Variants in IMMP2L observed in about 807,000 individuals in gnomAD.
The protein encoded by IMMP2L is inner mitochondrial membrane peptidase subunit 2.
Under a neutral mutation model 19.3 loss-of-function variants are expected in IMMP2L, and 18 were observed. The observed-to-expected ratio is 0.93, with a 90% CI of 0.64 to 1.38. The LOEUF is 1.38. Ranked by LOEUF, IMMP2L falls within the 40% of genes most tolerant of loss-of-function variation. The pLI, the probability that IMMP2L is intolerant of heterozygous loss-of-function variation, is 0.00. For missense variants in IMMP2L, 233 were observed against 218.2 expected (o/e 1.07, Z -0.43); for synonymous variants, 76 against 73.0 (o/e 1.04, Z -0.21).
intron 4 of IMMP2L, among the ~76,000 whole-genome samples, chr7:110,909,310 G>A (rs1186558686): frequency 2.6e-5 from 4 of 152,130 alleles, no homozygotes; most frequent in African/African-American, 7.2e-5. Flanking sequence ...TAAATAAATA[G>A]TTTAGTCAAG....
chr7:111,194,783 CT>C (rs1201406856), intron 3 of IMMP2L, among the ~76,000 whole-genome samples: 1 of 152,102 alleles, frequency 6.6e-6, no homozygotes, highest in African/African-American at 2.4e-5. Context: ...GGCATTATAT[CT>C]AACCTTATAT....
intron 5 of IMMP2L, among the ~76,000 whole-genome samples, chr7:110,718,527 T>C (rs1464068830): frequency 2.0e-5 from 3 of 152,162 alleles, no homozygotes. Flanking sequence ...AGAGCAGACT[T>C]AGTCTAAGGC....
At chr7:111,545,748 G>A (rs1294945447) in intron 1 of IMMP2L, among the ~76,000 whole-genome samples, 1 of 152,056 alleles carries the variant, frequency 6.6e-6, no homozygotes, top group Non-Finnish European at 1.5e-5. Flanking sequence ...TTGGCTATAT[G>A]TAATGCAGAA....
intron 3 of IMMP2L, among the ~76,000 whole-genome samples, chr7:110,989,306 G>A (rs1368756758): frequency 6.6e-6 from 1 of 152,022 alleles, no homozygotes; most frequent in Non-Finnish European, 1.5e-5. Flanking sequence ...GGAGACCGAA[G>A]TGGGAGGATC....
At chr7:110,973,273 T>C (rs1459035238) in intron 3 of IMMP2L, among the ~76,000 whole-genome samples, 1 of 152,108 alleles carries the variant, frequency 6.6e-6, no homozygotes, top group Non-Finnish European at 1.5e-5. Flanking sequence ...ATCATCACAT[T>C]TTATACTGTA....
chr7:111,382,718 A>C (rs1402558371), intron 3 of IMMP2L, among the ~76,000 whole-genome samples: 3 of 152,114 alleles, frequency 2.0e-5, no homozygotes, highest in African/African-American at 7.2e-5. Context: ...GAGAAGACCT[A>C]GAACACAGAT....
chr7:111,498,571 G>A (rs1366499364), intron 2 of IMMP2L, among the ~76,000 whole-genome samples: 1 of 151,398 alleles, frequency 6.6e-6, no homozygotes, highest in African/African-American at 2.4e-5. Flanking sequence ...CAGAAAGGAA[G>A]TGATTCAACA....
intron 5 of IMMP2L, among the ~76,000 whole-genome samples, chr7:110,832,267 CAAAG>C (rs1347283132): frequency 7.6e-6 from 1 of 131,334 alleles, no homozygotes; most frequent in Non-Finnish European, 1.7e-5. Flanking sequence ...TCAAAACAAA[CAAAG>C]AAAAAACAAA....
chr7:111,311,109 A>G (rs1487556529), intron 3 of IMMP2L, among the ~76,000 whole-genome samples: 3 of 152,092 alleles, frequency 2.0e-5, no homozygotes, highest in Non-Finnish European at 2.9e-5. Context: ...GTCCCCTTCT[A>G]CCACAATATC....
At chr7:111,526,541 T>C (rs1846878049) in intron 1 of IMMP2L, among the ~76,000 whole-genome samples, 1 of 152,150 alleles carries the variant, frequency 6.6e-6, no homozygotes, top group African/African-American at 2.4e-5. Context: ...GGGGTAACAC[T>C]AGTGTTAATT....
intron 3 of IMMP2L, 29 bp downstream of exon 3, chr7:111,487,209 C>T: frequency 2.0e-6 from 2 of 1,002,476 alleles, no homozygotes; most frequent in South Asian, 1.3e-5. Flanking sequence ...ATTTTATATA[C>T]AAATATAGTA....
rs921224423 is a variant in IMMP2L at position 111,347,411 on chromosome 7, C to T, written c.239+139827G>A. Among the ~76,000 whole-genome samples the T allele has an allele frequency of 9.9e-5, 15 of 152,052 alleles. No homozygotes were observed. In the East Asian group the frequency reaches 1.4e-3, roughly 14 times the overall value. ...AAGGTAAAAACGATTAAGAAGTGGA[C>T]GAAACCAGTCTCCAAGGGACAAGGT... On this transcript the variant is annotated intron_variant, in intron 3 of 5. Coordinates refer to ENST00000405709, the MANE Select transcript of IMMP2L (RefSeq NM_032549.4).
intron 3 of IMMP2L, among the ~76,000 whole-genome samples, chr7:111,216,468 C>A (rs145951172): frequency 2.6e-4 from 39 of 152,224 alleles, no homozygotes; most frequent in African/African-American, 8.7e-4. Context: ...TTTATGAATA[C>A]AATGTAGAAT....
intron 3 of IMMP2L, among the ~76,000 whole-genome samples, chr7:111,482,765 G>T (rs758986825): frequency 4.6e-5 from 7 of 152,130 alleles, no homozygotes; most frequent in Middle Eastern, 3.2e-3. Context: ...GGTTCTCACT[G>T]CTGCAGCTTC....
At chr7:110,941,530 T>G (rs1816729439) in intron 4 of IMMP2L, among the ~76,000 whole-genome samples, 1 of 152,180 alleles carries the variant, frequency 6.6e-6, no homozygotes, top group Non-Finnish European at 1.5e-5. Context: ...AATGTTTGCT[T>G]TATGCTTCAT....
At chr7:111,004,638 A>G (rs1000711972) in intron 3 of IMMP2L, among the ~76,000 whole-genome samples, 6 of 152,110 alleles carry the variant, frequency 3.9e-5, no homozygotes, top group African/African-American at 1.4e-4. Context: ...CATGGCCCAA[A>G]AAATTTGACC....
At chr7:110,896,942 T>C (rs921123820) in intron 4 of IMMP2L, among the ~76,000 whole-genome samples, 4 of 152,062 alleles carry the variant, frequency 2.6e-5, no homozygotes, top group African/African-American at 9.7e-5. Context: ...CCTCCCAAGT[T>C]GCGAGGACTG....
intron 3 of IMMP2L, among the ~76,000 whole-genome samples, chr7:111,089,060 A>C (rs1796590539): frequency 1.3e-5 from 2 of 152,210 alleles, no homozygotes; most frequent in Admixed American, 6.5e-5. Flanking sequence ...AATTGCAGGA[A>C]GAGCACTCTG....
At chr7:111,136,543 A>G (rs1440197376) in intron 3 of IMMP2L, among the ~76,000 whole-genome samples, 1 of 152,164 alleles carries the variant, frequency 6.6e-6, no homozygotes, top group African/African-American at 2.4e-5. Flanking sequence ...CCATGTCCTT[A>G]AAGCAATTCA....
Sources: gnomAD v4.1 joint callset for allele counts (sites outside exome capture counted in the v4.1 genomes callset) on GRCh38, gnomAD v4.1.1 for gene constraint, MANE v1.5 for transcripts, NCBI Gene and HGNC (gene_info 2026-07-23, HGNC 2026-07-21) for gene names.